Variants in MRTFB observed in about 807,000 individuals in gnomAD.
MRTFB encodes the protein myocardin-related transcription factor B.
In MRTFB, 29 loss-of-function variants were observed where a neutral mutation model predicts 104.2. The observed-to-expected ratio is 0.28, with a 90% CI of 0.21 to 0.38. The LOEUF (loss-of-function observed/expected upper bound fraction) is 0.38. Among genes scored for constraint, MRTFB ranks in the 10% least tolerant of loss-of-function variants. The pLI is 1.00. For missense variants in MRTFB, 1,270 were observed against 1,341.6 expected (o/e 0.95, Z 0.83); for synonymous variants, 535 against 519.5 (o/e 1.03, Z -0.41).
At chr16:14,143,825 C>CT (rs2038152310) in intron 3 of MRTFB, 1 of 151,926 alleles carries the variant, frequency 6.6e-6, no homozygotes, top group African/African-American at 2.4e-5. Context: ...TAGAATTTGG[C>CT]TTTTTTTAAG....
At chr16:14,212,893 C>T (rs992197509) in intron 5 of MRTFB, among the ~76,000 whole-genome samples, 6 of 152,146 alleles carry the variant, frequency 3.9e-5, no homozygotes, top group African/African-American at 1.4e-4. Flanking sequence ...TTTAAGATGG[C>T]ACCATCATAC....
chr16:14,089,542 T>A (rs2034926413), intron 2 of MRTFB, among the ~76,000 whole-genome samples: 1 of 152,238 alleles, frequency 6.6e-6, no homozygotes, highest in East Asian at 1.9e-4. Flanking sequence ...ATGGACATTG[T>A]GGTGGTTTCC....
Position 14,258,123 on chromosome 16 carries a change from A to C in MRTFB, c.2726A>C (p.Gln909Pro), listed in dbSNP as rs562881870. The change falls in exon 16 of 17, where the codon CAG becomes CCG. Residue 909 changes from glutamine to proline, a missense_variant. Transcript: ENST00000571589. ...LPEISNAHSQ[Q>P]MDDLFDILIK... Reference sequence around the variant, plus strand: ...TAGATTTCCAACGCTCACAGTCAGCAGATGGATGACCTCTTTGATATCCTC... The same window carrying C: ...TAGATTTCCAACGCTCACAGTCAGCCGATGGATGACCTCTTTGATATCCTC... 2 of 1,614,072 alleles carry C rather than the reference A, an allele frequency of 1.2e-6. No individual in the cohort carries two copies. Among genetic ancestry groups the C allele is most frequent in the South Asian group, 2.2e-5 (2 of 91,084 alleles).
chr16:14,017,711 A>ATATAT, the MRTFB span, among the ~76,000 whole-genome samples: 36 of 33,594 alleles, frequency 1.1e-3, 2 homozygotes, highest in African/African-American at 4.2e-3. Flanking sequence ...ATATATATAT[A>ATATAT]TTTTTTTTTT....
intron 8 of MRTFB, among the ~76,000 whole-genome samples, chr16:14,226,368 A>T (rs2042001956): frequency 6.6e-6 from 1 of 152,200 alleles, no homozygotes; most frequent in Admixed American, 6.5e-5. Context: ...TGAGCCCAGA[A>T]ATAAGCCCTT....
chr16:14,043,628 A>T, the MRTFB span, among the ~76,000 whole-genome samples: 3 of 152,236 alleles, frequency 2.0e-5, no homozygotes, highest in African/African-American at 4.8e-5. Flanking sequence ...CAAGGAAGAA[A>T]TATCAGGCTG....
the MRTFB span, among the ~76,000 whole-genome samples, chr16:14,050,631 A>G: frequency 1.3e-5 from 2 of 152,222 alleles, no homozygotes; most frequent in African/African-American, 4.8e-5. Context: ...AGAAAGCAGA[A>G]TGACTTTCTC....
chr16:14,084,823 G>C (rs1290957286), intron 2 of MRTFB, among the ~76,000 whole-genome samples: 1 of 152,128 alleles, frequency 6.6e-6, no homozygotes. Flanking sequence ...AGATTTACTT[G>C]AGGAAGGTTT....
intron 2 of MRTFB, among the ~76,000 whole-genome samples, chr16:14,114,820 A>G (rs80319779): frequency 0.014 from 2,084 of 152,196 alleles, 48 homozygotes; most frequent in African/African-American, 0.046. Context: ...GTTACACCTT[A>G]CTGTAATTAT....
At chr16:14,027,986 G>A in the MRTFB span, among the ~76,000 whole-genome samples, 1 of 152,136 alleles carries the variant, frequency 6.6e-6, no homozygotes, top group African/African-American at 2.4e-5. Flanking sequence ...AGACCAGCCT[G>A]GCCAATGTGG....
At chr16:14,037,119 T>C in the MRTFB span, among the ~76,000 whole-genome samples, 1 of 152,178 alleles carries the variant, frequency 6.6e-6, no homozygotes, top group African/African-American at 2.4e-5. Flanking sequence ...CCGGTTTGCT[T>C]TGGAGTTGGG....
intron 3 of MRTFB, among the ~76,000 whole-genome samples, chr16:14,198,195 A>G (rs1437291793): frequency 2.0e-5 from 3 of 152,232 alleles, no homozygotes; most frequent in Non-Finnish European, 4.4e-5. Flanking sequence ...ATTCCATTGT[A>G]TGGATATGCC....
chr16:14,016,103 G>A, the MRTFB span: 1 of 397,284 alleles, frequency 2.5e-6, no homozygotes, highest in East Asian at 3.6e-5. Flanking sequence ...GAGGCAGGAA[G>A]TTTGGCTTGG....
Position 14,264,341 on chromosome 16 carries a change from G to A in MRTFB, c.*2897G>A, listed in dbSNP as rs1284575797. ...AGATAGTCAGATCATCCTACTGGGG[G>A]TGGGATGAATTTAAAAGTTATACCA... On this transcript the variant is annotated 3_prime_UTR_variant, in exon 17 of 17. Coordinates refer to ENST00000571589, the MANE Select transcript of MRTFB (RefSeq NM_001308142.2). 2 of 152,200 alleles carry A rather than the reference G, an allele frequency of 1.3e-5. No homozygotes were observed. Among genetic ancestry groups the A allele is most frequent in the Admixed American group, 1.3e-4 (2 of 15,286 alleles). The allele number at this position is 152,200 out of a possible 1,614,324, so 9.4% of individuals were successfully genotyped here. A position where few individuals can be genotyped will look rare whatever the true frequency, so the allele number is the denominator to read the frequency against.
chr16:14,253,340 T>C (rs2043332254), intron 15 of MRTFB, among the ~76,000 whole-genome samples: 1 of 152,136 alleles, frequency 6.6e-6, no homozygotes, highest in Non-Finnish European at 1.5e-5. Context: ...GTGCTAAAGG[T>C]GGACACCAAG....
chr16:14,125,836 G>A (rs1413125295), intron 2 of MRTFB, among the ~76,000 whole-genome samples: 1 of 152,116 alleles, frequency 6.6e-6, no homozygotes, highest in Non-Finnish European at 1.5e-5. Context: ...GGACAGTGAT[G>A]TATTTATAGG....
At chr16:14,046,203 A>G in the MRTFB span, among the ~76,000 whole-genome samples, 1 of 152,136 alleles carries the variant, frequency 6.6e-6, no homozygotes, top group African/African-American at 2.4e-5. Flanking sequence ...GTGCATGCTT[A>G]TAGTCCCAGC....
At chr16:14,026,494 G>A in the MRTFB span, among the ~76,000 whole-genome samples, 2 of 152,154 alleles carry the variant, frequency 1.3e-5, no homozygotes, top group Non-Finnish European at 2.9e-5. Flanking sequence ...GTTAGATGAG[G>A]AGTTCTTACA....
chr16:14,208,945 T>C (rs1458176899), intron 3 of MRTFB, among the ~76,000 whole-genome samples: 1 of 152,190 alleles, frequency 6.6e-6, no homozygotes, highest in African/African-American at 2.4e-5. Flanking sequence ...ATCAATGAAG[T>C]TTTGTGATCC....
Sources: gnomAD v4.1 joint callset for allele counts (sites outside exome capture counted in the v4.1 genomes callset) on GRCh38, gnomAD v4.1.1 for gene constraint, MANE v1.5 for transcripts, NCBI Gene and HGNC (gene_info 2026-07-23, HGNC 2026-07-21) for gene names.